The following CTNNA3 variants were observed in gnomAD, a reference collection of about 807,000 sequenced individuals.
CTNNA3 encodes catenin alpha 3.
Under a neutral mutation model 95.7 loss-of-function variants are expected in CTNNA3, and 76 were observed. The observed-to-expected ratio is 0.79, with a 90% CI of 0.66 to 0.96. The LOEUF is 0.96. CTNNA3 is among the 40% of genes least tolerant of loss of function. The probability of loss-of-function intolerance (pLI) is 0.00; values close to 1 mark genes in which losing one functional copy is unlikely to be tolerated. For synonymous variants in CTNNA3, 431 were observed against 374.4 expected, an observed-to-expected ratio of 1.15 and a Z score of -1.74; for missense variants, 1,191 against 1,089.8, an observed-to-expected ratio of 1.09 and a Z score of -1.31.
chr10:67,003,025 A>G (rs1361079391), intron 7 of CTNNA3, among the ~76,000 whole-genome samples: 1 of 152,164 alleles, frequency 6.6e-6, no homozygotes, highest in African/African-American at 2.4e-5. Context: ...TTATGATACT[A>G]TTTATAATGC....
intron 5 of CTNNA3, among the ~76,000 whole-genome samples, chr10:67,448,955 G>A (rs1266052404): frequency 2.0e-5 from 3 of 150,986 alleles, no homozygotes; most frequent in South Asian, 2.1e-4. Flanking sequence ...AGCCCAAAAG[G>A]TCCTTCAGCT....
chr10:66,306,087 A>T (rs993344417), intron 12 of CTNNA3, among the ~76,000 whole-genome samples: 6 of 152,206 alleles, frequency 3.9e-5, no homozygotes, highest in African/African-American at 9.6e-5. Flanking sequence ...AAAAACTGTC[A>T]CATACCTAAA....
intron 15 of CTNNA3, among the ~76,000 whole-genome samples, chr10:66,055,945 AT>A (rs2080077882): frequency 9.5e-5 from 14 of 148,080 alleles, no homozygotes; most frequent in African/African-American, 3.3e-4. Flanking sequence ...AAAAAAAAAG[AT>A]ATAAAATCAT....
At chr10:67,005,347 T>C (rs1851904730) in intron 7 of CTNNA3, among the ~76,000 whole-genome samples, 1 of 152,152 alleles carries the variant, frequency 6.6e-6, no homozygotes, top group South Asian at 2.1e-4. Flanking sequence ...CTGATCTAAA[T>C]ACACTTTATC....
intron 9 of CTNNA3, among the ~76,000 whole-genome samples, chr10:66,649,504 C>T (rs1055365044): frequency 6.6e-6 from 1 of 152,168 alleles, no homozygotes; most frequent in Admixed American, 6.5e-5. Context: ...CAATACCCAA[C>T]CCTTACGGGA....
At chr10:66,902,144 C>T (rs973220507) in intron 7 of CTNNA3, among the ~76,000 whole-genome samples, 1 of 152,154 alleles carries the variant, frequency 6.6e-6, no homozygotes, top group Non-Finnish European at 1.5e-5. Flanking sequence ...AAACACTCCT[C>T]AGCAAATGTA....
At chr10:67,335,218 G>C (rs1841952167) in intron 5 of CTNNA3, among the ~76,000 whole-genome samples, 2 of 152,154 alleles carry the variant, frequency 1.3e-5, no homozygotes, top group African/African-American at 2.4e-5. Context: ...CCAAGTTGGA[G>C]TGAGTGTGGG....
chr10:66,651,814 C>T (rs994578224), intron 9 of CTNNA3, among the ~76,000 whole-genome samples: 7 of 28,478 alleles, frequency 2.5e-4, no homozygotes, highest in Non-Finnish European at 3.6e-4. Flanking sequence ...GGTTCCCACC[C>T]GCGCCTCTCC....
chr10:66,961,152 C>T (rs1272981474), intron 7 of CTNNA3, among the ~76,000 whole-genome samples: 3 of 152,094 alleles, frequency 2.0e-5, no homozygotes, highest in African/African-American at 2.4e-5. Flanking sequence ...AAAAAAGTTA[C>T]GAACATAAAC....
At chr10:66,715,466 G>A (rs1848421881) in intron 9 of CTNNA3, among the ~76,000 whole-genome samples, 1 of 151,922 alleles carries the variant, frequency 6.6e-6, no homozygotes, top group Non-Finnish European at 1.5e-5. Context: ...TAGTAGAAAG[G>A]GAGGCCTACA....
intron 5 of CTNNA3, among the ~76,000 whole-genome samples, chr10:67,404,589 AC>A (rs1845061210): frequency 6.6e-6 from 1 of 152,166 alleles, no homozygotes. Flanking sequence ...TGATTGGGGT[AC>A]CTGAAAAAGA....
At chr10:66,503,735 A>G (rs1465431482) in intron 11 of CTNNA3, among the ~76,000 whole-genome samples, 1 of 152,048 alleles carries the variant, frequency 6.6e-6, no homozygotes, top group African/African-American at 2.4e-5. Flanking sequence ...TCAAAGTGCT[A>G]GGATTACAGG....
At chr10:67,413,185 G>A (rs1022116145) in intron 5 of CTNNA3, among the ~76,000 whole-genome samples, 1 of 152,080 alleles carries the variant, frequency 6.6e-6, no homozygotes, top group African/African-American at 2.4e-5. Context: ...AAAAGAGCAG[G>A]TGTCACCATT....
rs139349419 is a variant in CTNNA3, at chr10:66,463,550, CTAAGT to C, written c.1531+57062_1531+57066del. 9.2e-3 allele frequency among the ~76,000 whole-genome samples: 1,396 copies of C among 152,264 alleles called. 29 individuals are homozygous for C. Among genetic ancestry groups the C allele is most frequent in the African/African-American group, 0.032 (1,327 of 41,562 alleles). On this transcript the variant is annotated intron_variant, in intron 11 of 17. Transcript: ENST00000433211. ...AACTTCCCAAATAGATCACTCTGGG[CTAAGT>C]TGTCAGTAGAATAACATGCAGAAAA...
chr10:67,270,123 T>A (rs144660832), intron 5 of CTNNA3, among the ~76,000 whole-genome samples: 178 of 142,904 alleles, frequency 1.2e-3, no homozygotes, highest in Non-Finnish European at 2.3e-3. Context: ...ACACCACCAG[T>A]ATTTGTCAAA....
intron 7 of CTNNA3, among the ~76,000 whole-genome samples, chr10:66,891,571 T>C (rs1022502272): frequency 5.3e-5 from 8 of 152,228 alleles, no homozygotes; most frequent in African/African-American, 1.7e-4. Context: ...ATTTCCCTTG[T>C]AGATGTCATA....
chr10:67,673,089 T>C (rs1368160590), intron 1 of CTNNA3, among the ~76,000 whole-genome samples: 5 of 152,068 alleles, frequency 3.3e-5, no homozygotes, highest in Admixed American at 6.5e-5. Flanking sequence ...CCTTGTAAGT[T>C]GGATTCCCAG....
intron 9 of CTNNA3, among the ~76,000 whole-genome samples, chr10:66,651,652 C>CTG (rs200387153): frequency 0.66 from 99,608 of 151,468 alleles, 33,641 homozygotes; most frequent in East Asian, 0.95. Flanking sequence ...AGCGCAGTGC[C>CTG]CGCCGGCCGG....
chr10:66,798,847 C>G (rs1409638104), intron 7 of CTNNA3, among the ~76,000 whole-genome samples: 1 of 151,566 alleles, frequency 6.6e-6, no homozygotes, highest in East Asian at 1.9e-4. Flanking sequence ...AGATAAAAAC[C>G]TGCTAGACAA....
Sources: allele counts gnomAD v4.1 joint callset (sites outside exome capture counted in the v4.1 genomes callset), GRCh38; gene constraint gnomAD v4.1.1; transcripts MANE v1.5; gene names NCBI Gene and HGNC (gene_info 2026-07-23, HGNC 2026-07-21).